The following HERC4 variants were observed in gnomAD, a reference collection of about 807,000 sequenced individuals.
HERC4 encodes probable E3 ubiquitin-protein ligase HERC4.
A neutral mutation model predicts 124.3 loss-of-function variants in HERC4; 28 were observed. That is an observed-to-expected ratio of 0.23 (90% CI 0.17 to 0.31). The LOEUF (loss-of-function observed/expected upper bound fraction) is 0.31, where lower values mean the gene tolerates loss of function less well. Among genes scored for constraint, HERC4 ranks in the 10% least tolerant of loss-of-function variants. HERC4 has a pLI of 1.00. For synonymous variants in HERC4, 407 were observed against 421.5 expected (o/e 0.97, Z 0.42); for missense variants, 713 against 1,229.3 (o/e 0.58, Z 6.28).
intron 9 of HERC4, among the ~76,000 whole-genome samples, chr10:68,000,672 A>G (rs894768498): frequency 6.6e-6 from 1 of 152,160 alleles, no homozygotes; most frequent in Non-Finnish European, 1.5e-5. Context: ...ATAATTAGTT[A>G]AGGTCATAAT....
chr10:68,009,765 C>A (rs1451007855), intron 9 of HERC4, among the ~76,000 whole-genome samples: 1 of 152,184 alleles, frequency 6.6e-6, no homozygotes, highest in Non-Finnish European at 1.5e-5. Flanking sequence ...AAAGTAGAGT[C>A]AAGCCTCTTA....
At chr10:68,011,689 C>T (rs2037964649) in intron 9 of HERC4, among the ~76,000 whole-genome samples, 1 of 152,164 alleles carries the variant, frequency 6.6e-6, no homozygotes, top group South Asian at 2.1e-4. Context: ...CTTTGTTGTT[C>T]CATTTATAGA....
At chr10:67,942,897 A>C (rs1049013143) in intron 19 of HERC4, among the ~76,000 whole-genome samples, 1 of 152,180 alleles carries the variant, frequency 6.6e-6, no homozygotes, top group African/African-American at 2.4e-5. Flanking sequence ...ATGCACACAC[A>C]AACACATTTT....
chr10:68,072,324 C>T lies in HERC4; in HGVS notation c.226+559G>A, dbSNP rs187115131. On this transcript the variant is annotated intron_variant, in intron 3 of 24. Coordinates refer to ENST00000373700, the MANE Select transcript of HERC4 (RefSeq NM_015601.4). ...CTACAAAATCAGGACACTTCATAGT[C>T]ACAAAATCTTTAATAGCTAGCAATG... 2.1e-3 allele frequency among the ~76,000 whole-genome samples: 316 copies of T among 152,136 alleles called. 2 individuals carry two copies. Among genetic ancestry groups the T allele is most frequent in the Admixed American group, 4.4e-3 (68 of 15,288 alleles).
chr10:67,939,588 C>T lies in HERC4; in HGVS notation c.2571G>A (p.Thr857=). The T allele has an allele frequency of 1.3e-6, 2 of 1,594,602 alleles. No homozygotes were observed. The highest frequency in any genetic ancestry group is 8.6e-7 in the Non-Finnish European group (1 of 1,166,476). ...DIEETFCLNF[T]ITVENFGATE... ...GCTAACCTATGTCCTTCCATCTTAC[C>T]GTAAAATTAAGACAAAATGTTTCCT... The change falls in exon 21 of 25, where the codon ACG becomes ACA. Residue 857 remains threonine, a splice_region_variant and synonymous_variant. Coordinates refer to ENST00000373700, the MANE Select transcript of HERC4 (RefSeq NM_015601.4).
chr10:67,990,108 G>T, intron 14 of HERC4, 103 bp downstream of exon 14: 1 of 876,270 alleles, frequency 1.1e-6, no homozygotes, highest in Non-Finnish European at 1.7e-6. Flanking sequence ...CTAAGACAGT[G>T]TCAAATAAGC....
At chr10:68,053,363 G>A (rs10823126) in intron 3 of HERC4, among the ~76,000 whole-genome samples, 13,875 of 151,368 alleles carry the variant, frequency 0.092, 1,032 homozygotes, top group East Asian at 0.4. Flanking sequence ...GAGTGCAGTG[G>A]TGAAATTACA....
intron 23 of HERC4, 106 bp from the exon 24 acceptor site, chr10:67,925,293 G>C (rs1200920657): frequency 1.8e-6 from 1 of 568,806 alleles, no homozygotes; most frequent in East Asian, 3.0e-5. Context: ...CAATTCAATG[G>C]ATTGCCCACT....
intron 15 of HERC4, among the ~76,000 whole-genome samples, chr10:67,985,005 A>C (rs1463817062): frequency 1.3e-5 from 2 of 152,228 alleles, no homozygotes; most frequent in Admixed American, 6.5e-5. Context: ...TGCAGTTTGT[A>C]TATCTTGCTG....
intron 15 of HERC4, among the ~76,000 whole-genome samples, chr10:67,973,409 AC>A (rs2035371787): frequency 6.6e-6 from 1 of 152,222 alleles, no homozygotes; most frequent in Non-Finnish European, 1.5e-5. Context: ...TTAGGCTAAA[AC>A]AAGGCCCAAT....
At chr10:67,929,640 G>A (rs991052447) in intron 23 of HERC4, among the ~76,000 whole-genome samples, 2 of 151,768 alleles carry the variant, frequency 1.3e-5, no homozygotes, top group African/African-American at 4.8e-5. Context: ...TCAGCCTCCC[G>A]AGTAGCTGGG....
chr10:67,986,498 A>G (rs1398260588), intron 15 of HERC4, among the ~76,000 whole-genome samples: 1 of 152,046 alleles, frequency 6.6e-6, no homozygotes, highest in Non-Finnish European at 1.5e-5. Context: ...AATTACAGGC[A>G]TGCACCACCA....
At chr10:67,928,621 A>G (rs2031419313) in intron 23 of HERC4, among the ~76,000 whole-genome samples, 1 of 151,966 alleles carries the variant, frequency 6.6e-6, no homozygotes, top group Non-Finnish European at 1.5e-5. Context: ...AGATTCTAGG[A>G]TATAAAATGA....
At chr10:67,961,007 TGA>T (rs2034480860) in intron 16 of HERC4, 2 of 352,028 alleles carry the variant, frequency 5.7e-6, no homozygotes, top group African/African-American at 2.2e-5. Flanking sequence ...CTGTTGGTGC[TGA>T]GAGTAAGAGG....
chr10:67,930,242 T>C (rs1248855881), intron 23 of HERC4, among the ~76,000 whole-genome samples: 2 of 152,060 alleles, frequency 1.3e-5, no homozygotes, highest in African/African-American at 4.8e-5. Context: ...AAAAAAAAAG[T>C]CTTTAAAAAT....
intron 1 of HERC4, chr10:68,073,888 CATAATT>C (rs1477280308): frequency 2.0e-5 from 3 of 150,634 alleles, no homozygotes; most frequent in Non-Finnish European, 4.4e-5. Flanking sequence ...AATCAATGTG[CATAATT>C]ATAATACAGA....
At chr10:68,066,605 G>T (rs1018737835) in intron 3 of HERC4, among the ~76,000 whole-genome samples, 3 of 152,190 alleles carry the variant, frequency 2.0e-5, no homozygotes, top group African/African-American at 7.2e-5. Context: ...AGAGAGAGAT[G>T]CATGTATCTA....
chr10:67,990,131 C>G (rs2036473215), intron 14 of HERC4, 80 bp downstream of exon 14: 3 of 1,203,328 alleles, frequency 2.5e-6, no homozygotes, highest in African/African-American at 3.1e-5. Context: ...GGCAGCAGAA[C>G]TGCAAATGGC....
intron 9 of HERC4, among the ~76,000 whole-genome samples, chr10:68,002,395 A>T (rs1408234888): frequency 6.6e-6 from 1 of 151,946 alleles, no homozygotes; most frequent in East Asian, 1.9e-4. Context: ...ATATATGAAA[A>T]GAAGGACATT....
Sources: allele counts gnomAD v4.1 joint callset (sites outside exome capture counted in the v4.1 genomes callset), GRCh38; gene constraint gnomAD v4.1.1; transcripts MANE v1.5; gene names NCBI Gene and HGNC (gene_info 2026-07-23, HGNC 2026-07-21).